ARHGAP39: variants seen among roughly 807,000 people sequenced by gnomAD.
ARHGAP39 encodes Rho GTPase activating protein 39.
A neutral mutation model predicts 106.9 loss-of-function variants in ARHGAP39; 44 were observed. That is an observed-to-expected ratio of 0.41 (90% CI 0.32 to 0.53). ARHGAP39 has a LOEUF of 0.53. Among genes scored for constraint, ARHGAP39 ranks in the 20% least tolerant of loss-of-function variants. ARHGAP39 has a pLI of 0.21. For synonymous variants in ARHGAP39, 768 were observed against 693.2 expected, an observed-to-expected ratio of 1.11 and a Z score of -1.69; for missense variants, 1,496 against 1,577.3, an observed-to-expected ratio of 0.95 and a Z score of 0.87.
At chr8:144,552,919 AG>A (rs988686310) in intron 4 of ARHGAP39, among the ~76,000 whole-genome samples, 1 of 152,192 alleles carries the variant, frequency 6.6e-6, no homozygotes, top group Admixed American at 6.5e-5. Context: ...TGTGAAAGGA[AG>A]CACCAGGCAT....
At chr8:144,685,412 C>T (rs1822559818) in intron 1 of ARHGAP39, among the ~76,000 whole-genome samples, 1 of 151,024 alleles carries the variant, frequency 6.6e-6, no homozygotes, top group African/African-American at 2.4e-5. Flanking sequence ...CACTCCCAGC[C>T]CGGCCCGTCG....
Position 144,581,144 on chromosome 8 carries a change from G to A in ARHGAP39, c.214C>T (p.Leu72=). The part of the protein sequence containing the change: ...KRTSENQWWE[L]FDPNTSRFYY... ...AAGCGGGACGTGTTGGGGTCGAACA[G>A]CTCCCACCACTGGTTCTCGCTGGTG... The change falls in exon 3 of 12, where the codon CTG becomes TTG. Residue 72 remains leucine, a synonymous_variant. Transcript: ENST00000377307. The A allele has an allele frequency of 6.3e-7, 1 of 1,582,330 alleles. No homozygotes were observed. The highest frequency in any genetic ancestry group is 1.2e-5 in the South Asian group (1 of 86,708).
chr8:144,621,214 T>C (rs1309342923), intron 1 of ARHGAP39, among the ~76,000 whole-genome samples: 1 of 152,284 alleles, frequency 6.6e-6, no homozygotes, highest in East Asian at 1.9e-4. Flanking sequence ...TCTCAGAAGT[T>C]GTGCAAAGGG....
In ARHGAP39 at chr8:144,547,909, C is replaced by G; in HGVS notation, c.1177G>C (p.Glu393Gln). 1 of 1,585,158 alleles carries G rather than the reference C, an allele frequency of 6.3e-7. No individual in the cohort carries two copies. Among genetic ancestry groups the G allele is most frequent in the Non-Finnish European group, 8.6e-7 (1 of 1,166,398 alleles). ...ACGTAGACCAGCTGCCGCACGTACT[C>G]CTTGCCGGCGGGACTGTACTCCAGG... is the stretch of plus-strand genomic sequence containing the variant. ...LSLEYSPAGK[E>Q]YVRQLVYVEQ... Residue 393 changes from glutamate to glutamine, a missense_variant, in exon 5 of 12, where the codon GAG becomes CAG. By Grantham distance (29) the Glu-to-Gln change is conservative. Coordinates refer to ENST00000377307, the MANE Select transcript of ARHGAP39 (RefSeq NM_025251.3). The surrounding 1 kb of genome is among the most constrained non-coding windows in gnomAD (Gnocchi z 5.2).
rs769589677 is a variant in ARHGAP39, at chr8:144,548,184, G to A, written c.902C>T (p.Pro301Leu). 6.3e-7 allele frequency: 1 copy of A among 1,580,480 alleles called. No individual in the cohort carries two copies. The highest frequency in any genetic ancestry group is 8.6e-7 in the Non-Finnish European group (1 of 1,162,290). ...QPRKPSGDSQ[P>L]SSPRYGYEPP... The stretch of plus-strand genomic sequence containing the variant: ...TTCATAGCCATAGCGCGGGGAGGAG[G>A]GCTGCGAGTCCCCGGAGGGCTTTCG... Residue 301 changes from proline to leucine, a missense_variant, in exon 5 of 12, where the codon CCC (proline) becomes CTC (leucine). Transcript: ENST00000377307. The surrounding 1 kb of genome is among the most constrained non-coding windows in gnomAD (Gnocchi z 7.4).
At chr8:144,642,765 C>A (rs899445961) in intron 1 of ARHGAP39, among the ~76,000 whole-genome samples, 2 of 152,146 alleles carry the variant, frequency 1.3e-5, no homozygotes, top group African/African-American at 2.4e-5. Flanking sequence ...ATGGTGAGGC[C>A]TCCCCAACTG....
intron 2 of ARHGAP39, among the ~76,000 whole-genome samples, chr8:144,601,426 G>A (rs111161592): frequency 0.028 from 4,066 of 145,540 alleles, 89 homozygotes; most frequent in Admixed American, 0.062. Flanking sequence ...GGAGGCGTGC[G>A]TGCGTGCGAG....
At chr8:144,544,039 T>C (rs1817303909) in intron 6 of ARHGAP39, 1 of 152,344 alleles carries the variant, frequency 6.6e-6, no homozygotes, top group Admixed American at 6.5e-5. Context: ...CACCTGCTTC[T>C]TGAAGGGCCC....
chr8:144,637,142 C>G (rs1380094184), intron 1 of ARHGAP39, among the ~76,000 whole-genome samples: 2 of 152,214 alleles, frequency 1.3e-5, no homozygotes, highest in Non-Finnish European at 2.9e-5. Context: ...GATGTTTCTT[C>G]CATCTCATTC....
intron 3 of ARHGAP39, among the ~76,000 whole-genome samples, chr8:144,557,496 C>G (rs1439606042): frequency 6.7e-6 from 1 of 148,750 alleles, no homozygotes; most frequent in Non-Finnish European, 1.5e-5. Flanking sequence ...AAAGGCTGAA[C>G]CTTCGTAGTA....
rs150165863 is a variant in ARHGAP39, at chr8:144,540,114, C to CT, written c.2522-2302dup. On this transcript the variant is annotated intron_variant, in intron 6 of 11. Coordinates refer to ENST00000377307, the MANE Select transcript of ARHGAP39 (RefSeq NM_025251.3). ...TACATGTCCTTTGTCAGATCTATCTCTAAGTATGTCATATTTTAAAATGCT... is the reference window on the plus strand; with the variant it reads ...TACATGTCCTTTGTCAGATCTATCTCTTAAGTATGTCATATTTTAAAATGCT... Among the ~76,000 whole-genome samples the CT allele has an allele frequency of 4.1e-3, 624 of 152,256 alleles. 5 individuals carry two copies. The highest frequency in any genetic ancestry group is 0.015 in the African/African-American group (606 of 41,534).
chr8:144,636,302 C>T (rs1369103244), intron 1 of ARHGAP39, among the ~76,000 whole-genome samples: 1 of 152,112 alleles, frequency 6.6e-6, no homozygotes, highest in Non-Finnish European at 1.5e-5. Flanking sequence ...CAATACTCAG[C>T]TAATGTTAGT....
chr8:144,670,207 C>T lies in ARHGAP39; in HGVS notation c.-82+15479G>A, dbSNP rs866994029. Among the ~76,000 whole-genome samples, 4 of 150,730 alleles carry T rather than the reference C, an allele frequency of 2.7e-5. No individual in the cohort carries two copies. Among genetic ancestry groups the T allele is most frequent in the East Asian group, 3.9e-4 (2 of 5,144 alleles). On this transcript the variant is annotated intron_variant, in intron 1 of 11. Coordinates refer to ENST00000377307, the MANE Select transcript of ARHGAP39 (RefSeq NM_025251.3). This position sits in a 1 kb window ranked among gnomAD's most constrained non-coding sequence, Gnocchi z 4.4. ...GCTGTAAAAAGCAACAGAGCTCGGA[C>T]GCATGCTAGAGCGTACCGGGAAGCT...
chr8:144,651,685 T>C (rs1821578100), intron 1 of ARHGAP39, among the ~76,000 whole-genome samples: 1 of 151,816 alleles, frequency 6.6e-6, no homozygotes, highest in African/African-American at 2.4e-5. Context: ...CCAGCCTGGA[T>C]GATAGAGAGA....
At chr8:144,615,889 T>C (rs1311965400) in intron 1 of ARHGAP39, among the ~76,000 whole-genome samples, 1 of 152,182 alleles carries the variant, frequency 6.6e-6, no homozygotes, top group Non-Finnish European at 1.5e-5. Context: ...TCAGCAGCTG[T>C]GCTCACCAAA....
chr8:144,675,554 T>A (rs1822211651), intron 1 of ARHGAP39, among the ~76,000 whole-genome samples: 1 of 151,828 alleles, frequency 6.6e-6, no homozygotes, highest in South Asian at 2.1e-4. Flanking sequence ...TTCCTTCCGG[T>A]GGGTTTGTGG....
chr8:144,593,869 C>T (rs1178193475), intron 2 of ARHGAP39, among the ~76,000 whole-genome samples: 2 of 152,128 alleles, frequency 1.3e-5, no homozygotes, highest in Non-Finnish European at 2.9e-5. Flanking sequence ...GCAGGTGGAT[C>T]ACCTAAGTCA....
intron 2 of ARHGAP39, among the ~76,000 whole-genome samples, chr8:144,600,150 CCT>C (rs1328392712): frequency 6.6e-6 from 1 of 150,478 alleles, no homozygotes; most frequent in Non-Finnish European, 1.5e-5. Flanking sequence ...CATGTACCTA[CCT>C]GTGTGTGTGC....
chr8:144,657,731 T>C (rs183579678), intron 1 of ARHGAP39, among the ~76,000 whole-genome samples: 166 of 152,194 alleles, frequency 1.1e-3, no homozygotes, highest in African/African-American at 3.8e-3. Context: ...CAGACTAAAA[T>C]AGAAAAACAT....
Sources: allele counts gnomAD v4.1 joint callset (sites outside exome capture counted in the v4.1 genomes callset), GRCh38; gene constraint gnomAD v4.1.1; non-coding constraint Gnocchi (gnomAD v3.1); transcripts MANE v1.5; gene names NCBI Gene and HGNC (gene_info 2026-07-23, HGNC 2026-07-21).